COL8A1: variants seen among roughly 807,000 people sequenced by gnomAD.
The protein encoded by COL8A1 is collagen type VIII alpha 1 chain, also known as collagen alpha-1(VIII) chain.
Under a neutral mutation model 42.7 loss-of-function variants are expected in COL8A1, and 21 were observed. The ratio of observed to expected loss-of-function variants is 0.49; its 90% CI spans 0.35 to 0.71. COL8A1 has a LOEUF of 0.71. Ranked by LOEUF, COL8A1 falls within the 30% of genes least tolerant of loss-of-function variation. COL8A1 has a pLI of 0.01. For missense variants in COL8A1, 788 were observed against 962.4 expected (o/e 0.82, Z 2.40); for synonymous variants, 367 against 369.1 (o/e 0.99, Z 0.06).
intron 1 of COL8A1, among the ~76,000 whole-genome samples, chr3:99,707,563 T>C (rs1271567930): frequency 6.6e-6 from 1 of 152,216 alleles, no homozygotes; most frequent in African/African-American, 2.4e-5. Flanking sequence ...AAAAGGTCAC[T>C]GGGCTGTCCC....
At chr3:99,707,894 A>G (rs1166520064) in intron 1 of COL8A1, among the ~76,000 whole-genome samples, 1 of 152,100 alleles carries the variant, frequency 6.6e-6, no homozygotes, top group African/African-American at 2.4e-5. Flanking sequence ...TGAGACAGAT[A>G]GTGTTTTTAT....
chr3:99,683,306 T>A (rs1182385187), intron 1 of COL8A1, among the ~76,000 whole-genome samples: 1 of 152,088 alleles, frequency 6.6e-6, no homozygotes, highest in Non-Finnish European at 1.5e-5. Flanking sequence ...ACATAATAGC[T>A]ACCAATAAAA....
chr3:99,676,814 C>G (rs1938712323), intron 1 of COL8A1, among the ~76,000 whole-genome samples: 1 of 151,838 alleles, frequency 6.6e-6, no homozygotes. Context: ...TTTATCTAGC[C>G]CATTGGATAT....
chr3:99,650,963 T>C (rs1049059781), intron 1 of COL8A1, among the ~76,000 whole-genome samples: 3 of 152,232 alleles, frequency 2.0e-5, no homozygotes, highest in African/African-American at 4.8e-5. Context: ...TTAAATGTCA[T>C]GTTCAATGCA....
intron 1 of COL8A1, among the ~76,000 whole-genome samples, chr3:99,693,627 T>C (rs902632881): frequency 2.0e-5 from 3 of 152,240 alleles, no homozygotes; most frequent in African/African-American, 4.8e-5. Context: ...ATTTTTGTAG[T>C]GCTGTACAAT....
At chr3:99,702,991 T>G (rs1247893965) in intron 1 of COL8A1, among the ~76,000 whole-genome samples, 1 of 152,116 alleles carries the variant, frequency 6.6e-6, no homozygotes, top group Non-Finnish European at 1.5e-5. Context: ...GCATGTTTGG[T>G]GTGTTTGAAG....
At chr3:99,669,482 C>A (rs960336168) in intron 1 of COL8A1, among the ~76,000 whole-genome samples, 1 of 151,832 alleles carries the variant, frequency 6.6e-6, no homozygotes, top group Non-Finnish European at 1.5e-5. Flanking sequence ...TATCCATTAA[C>A]TGAGATAATT....
Position 99,761,706 on chromosome 3 carries a change from ACT to A in COL8A1, c.-4+16690_-4+16691del, listed in dbSNP as rs138327448. ...AATGGAGTCCTTCCCTCTCTCCAAT[ACT>A]CTCTGACTTTAGATATCTAGATATC... On this transcript the variant is annotated intron_variant, in intron 2 of 3. Coordinates refer to ENST00000652472, the MANE Select transcript of COL8A1 (RefSeq NM_020351.4). 3.2e-3 allele frequency among the ~76,000 whole-genome samples: 484 copies of A among 152,100 alleles called. 13 individuals carry two copies. The East Asian group carries it at 0.061, about 19-fold the overall frequency.
In COL8A1 at chr3:99,696,806, T is replaced by C. The variant is rs150979304; in HGVS notation, c.-128-48091T>C. Among the ~76,000 whole-genome samples the C allele has an allele frequency of 9.9e-5, 15 of 152,280 alleles. No individual in the cohort carries two copies. The East Asian group carries it at 2.9e-3, about 29-fold the overall frequency. ...ACCGAAGTTTCAGAAATAGAGGCAT[T>C]AGTTTGTAATTCATGAAACAGATTT... is the stretch of plus-strand genomic sequence containing the variant. On this transcript the variant is annotated intron_variant, in intron 1 of 3. Coordinates refer to ENST00000652472, the MANE Select transcript of COL8A1 (RefSeq NM_020351.4).
intron 1 of COL8A1, among the ~76,000 whole-genome samples, chr3:99,682,615 TA>T (rs34375356): frequency 0.18 from 25,669 of 141,680 alleles, 2,252 homozygotes; most frequent in African/African-American, 0.2. Flanking sequence ...AATGTGAAAT[TA>T]AAAAAAAAAA....
At chr3:99,641,370 C>T (rs1937506557) in intron 1 of COL8A1, among the ~76,000 whole-genome samples, 3 of 152,200 alleles carry the variant, frequency 2.0e-5, no homozygotes, top group Admixed American at 1.3e-4. Flanking sequence ...TCCATCTCTA[C>T]TATGCCCTTC....
intron 1 of COL8A1, chr3:99,703,600 T>C (rs1400103933): frequency 1.3e-5 from 2 of 152,336 alleles, no homozygotes; most frequent in South Asian, 2.1e-4. Flanking sequence ...CTGTGTCACA[T>C]TGTTCAAAAG....
intron 1 of COL8A1, chr3:99,679,333 G>C (rs1031629359): frequency 3.9e-5 from 6 of 152,226 alleles, no homozygotes; most frequent in Non-Finnish European, 5.9e-5. Context: ...GAAAAGAACA[G>C]AGAACAAGAA....
intron 1 of COL8A1, among the ~76,000 whole-genome samples, chr3:99,701,130 C>G (rs1237155495): frequency 6.6e-6 from 1 of 152,184 alleles, no homozygotes; most frequent in African/African-American, 2.4e-5. Flanking sequence ...CATCTAAAAT[C>G]ATAGCAAGGC....
chr3:99,755,869 G>T (rs953769755), intron 2 of COL8A1, among the ~76,000 whole-genome samples: 5 of 152,130 alleles, frequency 3.3e-5, no homozygotes, highest in Admixed American at 6.6e-5. Flanking sequence ...GCTGTGGAGG[G>T]GAGTTCAGAG....
intron 1 of COL8A1, among the ~76,000 whole-genome samples, chr3:99,698,578 G>C (rs1939445110): frequency 2.6e-5 from 4 of 152,142 alleles, no homozygotes; most frequent in Admixed American, 2.6e-4. Flanking sequence ...ACAGAAAGCT[G>C]GATCTCTGCC....
chr3:99,660,131 G>A (rs549333228), intron 1 of COL8A1, among the ~76,000 whole-genome samples: 61 of 152,266 alleles, frequency 4.0e-4, no homozygotes, highest in African/African-American at 1.3e-3. Context: ...AATCACGCAG[G>A]ACAAGTGAGT....
chr3:99,754,665 T>A (rs1941219091), intron 2 of COL8A1, among the ~76,000 whole-genome samples: 1 of 152,152 alleles, frequency 6.6e-6, no homozygotes, highest in African/African-American at 2.4e-5. Flanking sequence ...CCAAGGGTCC[T>A]CACCAAAGAA....
At chr3:99,725,676 T>TG (rs1260114390) in intron 1 of COL8A1, among the ~76,000 whole-genome samples, 5 of 150,598 alleles carry the variant, frequency 3.3e-5, no homozygotes, top group Admixed American at 1.3e-4. Flanking sequence ...TTTGGTTTCT[T>TG]TCCTTGCAAT....
Sources: allele counts gnomAD v4.1 joint callset (sites outside exome capture counted in the v4.1 genomes callset), GRCh38; gene constraint gnomAD v4.1.1; transcripts MANE v1.5; gene names NCBI Gene and HGNC (gene_info 2026-07-23, HGNC 2026-07-21).